MACF1: variants seen among roughly 807,000 people sequenced by gnomAD.
MACF1 encodes microtubule-actin cross-linking factor 1.
MACF1 carries 193 observed loss-of-function variants against 854.8 expected under a neutral mutation model. That is an observed-to-expected ratio of 0.23 (90% CI 0.20 to 0.25). MACF1 has a LOEUF of 0.25. Among genes scored for constraint, MACF1 ranks in the 10% least tolerant of loss-of-function variants. The pLI, the probability that MACF1 is intolerant of heterozygous loss-of-function variation, is 1.00. For synonymous variants in MACF1, 3,185 were observed against 3,226.7 expected (o/e 0.99, Z 0.44); for missense variants, 7,722 against 8,929.1 (o/e 0.86, Z 5.45).
intron 95 of MACF1, among the ~76,000 whole-genome samples, chr1:39,466,334 A>C (rs953113554): frequency 2.6e-5 from 4 of 152,180 alleles, no homozygotes; most frequent in African/African-American, 9.6e-5. Flanking sequence ...CTCTGGCCTC[A>C]ACTTCCCCAG....
chr1:39,477,713 G>C (rs2124207583), intron 97 of MACF1, among the ~76,000 whole-genome samples: 1 of 152,228 alleles, frequency 6.6e-6, no homozygotes, highest in South Asian at 2.1e-4. Flanking sequence ...GACAACTCAA[G>C]TGGAAGACGT....
chr1:39,319,951 T>TGA (rs1280013120), intron 31 of MACF1, among the ~76,000 whole-genome samples: 1 of 152,184 alleles, frequency 6.6e-6, no homozygotes, highest in African/African-American at 2.4e-5. Context: ...GGCTGTGATT[T>TGA]GAGGAGTCTC....
chr1:39,367,936 C>CA (rs2148531642), intron 49 of MACF1, among the ~76,000 whole-genome samples: 1 of 149,348 alleles, frequency 6.7e-6, no homozygotes. Context: ...CGCCATTGTA[C>CA]TCCAGCCTGG....
At chr1:39,367,010 C>T (rs1648777820) in intron 49 of MACF1, among the ~76,000 whole-genome samples, 1 of 143,204 alleles carries the variant, frequency 7.0e-6, no homozygotes, top group Non-Finnish European at 1.5e-5. Flanking sequence ...TGCAGTGGCA[C>T]AATCTTGGCT....
intron 2 of MACF1, among the ~76,000 whole-genome samples, chr1:39,234,548 G>A: frequency 8.6e-6 from 1 of 116,890 alleles, no homozygotes; most frequent in African/African-American, 3.2e-5. Context: ...GCGGGGGGCT[G>A]ACCCCCCCAC....
chr1:39,268,490 C>T (rs1185293576), intron 6 of MACF1: 3 of 1,150,098 alleles, frequency 2.6e-6, no homozygotes, highest in Non-Finnish European at 1.1e-6. Context: ...CTTGTTGCAG[C>T]TCTGAGCCTG....
chr1:39,442,640 T>C (rs1570099443), intron 77 of MACF1, 73 bp downstream of exon 77: 1 of 1,608,596 alleles, frequency 6.2e-7, no homozygotes, highest in East Asian at 2.2e-5. Flanking sequence ...AGCCTTTGAA[T>C]GTTGTGTATA....
chr1:39,472,204 T>G (rs1557672077), intron 97 of MACF1, among the ~76,000 whole-genome samples: 2 of 152,232 alleles, frequency 1.3e-5, no homozygotes, highest in Non-Finnish European at 2.9e-5. Flanking sequence ...CTTCTCTTTT[T>G]TTTAACTTTA....
At chr1:39,132,378 C>T (rs1643025455) in intron 2 of MACF1, among the ~76,000 whole-genome samples, 1 of 152,128 alleles carries the variant, frequency 6.6e-6, no homozygotes, top group South Asian at 2.1e-4. Context: ...TGGCTCTTTT[C>T]CCTGTATCCA....
chr1:39,215,465 C>T (rs545448173), intron 1 of MACF1: 4 of 151,084 alleles, frequency 2.6e-5, no homozygotes, highest in South Asian at 4.2e-4. Context: ...TTTGCTTGTC[C>T]GGGCCTGAGG....
chr1:39,262,569 A>G (rs960253607), intron 6 of MACF1, among the ~76,000 whole-genome samples: 2 of 152,142 alleles, frequency 1.3e-5, no homozygotes, highest in African/African-American at 4.8e-5. Context: ...GATGGAACAC[A>G]GTATGAACTC....
chr1:39,291,821 C>A (rs1645796299), intron 15 of MACF1, 89 bp from the exon 16 acceptor site: 1 of 1,376,308 alleles, frequency 7.3e-7, no homozygotes, highest in African/African-American at 1.5e-5. Context: ...GTCCTCTACC[C>A]CTTGGTTCCT....
At chr1:39,363,604 C>CTT (rs1553308665) in intron 49 of MACF1, among the ~76,000 whole-genome samples, 3 of 136,104 alleles carry the variant, frequency 2.2e-5, no homozygotes, top group South Asian at 2.3e-4. Context: ...TTCTTTCTTT[C>CTT]TTTTTTTTTT....
At chr1:39,406,756 A>AAAAAAAAAAACAAAAAAC (rs746955922) in intron 58 of MACF1, among the ~76,000 whole-genome samples, 3 of 116,058 alleles carry the variant, frequency 2.6e-5, no homozygotes, top group African/African-American at 1.2e-4. Flanking sequence ...AAAAAAAAAA[A>AAAAAAAAAAACAAAAAAC]AACATTCTTT....
chr1:39,160,013 A>G (rs1046813577), intron 2 of MACF1, among the ~76,000 whole-genome samples: 1 of 152,104 alleles, frequency 6.6e-6, no homozygotes, highest in African/African-American at 2.4e-5. Flanking sequence ...AGAGCTTTGT[A>G]TGCTATAAAG....
chr1:39,384,300 A>T (rs1650500593), intron 56 of MACF1, among the ~76,000 whole-genome samples: 1 of 152,126 alleles, frequency 6.6e-6, no homozygotes, highest in African/African-American at 2.4e-5. Flanking sequence ...TACTTTTGTT[A>T]CATTTTATTA....
intron 1 of MACF1, among the ~76,000 whole-genome samples, chr1:39,205,498 A>G (rs534501084): frequency 2.7e-4 from 41 of 152,204 alleles, no homozygotes; most frequent in African/African-American, 9.6e-4. Context: ...CTTGTTTTTA[A>G]CTGAAAACAT....
chr1:39,457,251 C>A (rs77563903), intron 89 of MACF1: 10,898 of 152,414 alleles, frequency 0.072, 548 homozygotes, highest in South Asian at 0.2. Context: ...ATCTGCCCCC[C>A]CTTTCCTCAT....
chr1:39,319,639 A>T, intron 30 of MACF1, 25 bp from the exon 31 acceptor site: 1 of 1,497,294 alleles, frequency 6.7e-7, no homozygotes, highest in Non-Finnish European at 9.3e-7. Context: ...TGGCAATGAT[A>T]ATGTTGTGAT....
Sources: allele counts gnomAD v4.1 joint callset (sites outside exome capture counted in the v4.1 genomes callset), GRCh38; gene constraint gnomAD v4.1.1; transcripts MANE v1.5; gene names NCBI Gene and HGNC (gene_info 2026-07-23, HGNC 2026-07-21).